The following BMP5 variants were observed in gnomAD, a reference collection of about 807,000 sequenced individuals.
BMP5 encodes the protein bone morphogenetic protein 5.
A neutral mutation model predicts 46.6 loss-of-function variants in BMP5; 23 were observed. The observed-to-expected ratio is 0.49, with a 90% CI of 0.35 to 0.70. BMP5 has a LOEUF of 0.70. Among genes scored for constraint, BMP5 ranks in the 30% least tolerant of loss-of-function variants. BMP5 has a pLI of 0.00. For synonymous variants in BMP5, 204 were observed against 191.9 expected (o/e 1.06, Z -0.52); for missense variants, 545 against 565.6 (o/e 0.96, Z 0.37).
At chr6:55,769,016 A>T (rs1293667863) in intron 4 of BMP5, among the ~76,000 whole-genome samples, 1 of 152,000 alleles carries the variant, frequency 6.6e-6, no homozygotes, top group Non-Finnish European at 1.5e-5. Flanking sequence ...AATGCTAGTG[A>T]TCATCTGAGT....
At position 55,874,522 on chromosome 6, in the gene BMP5, C is replaced by T. The variant is rs755417474; in HGVS notation, c.344G>A (p.Gly115Glu). 1 of 1,613,420 alleles carries T rather than the reference C, an allele frequency of 6.2e-7. No individual in the cohort carries two copies. Among genetic ancestry groups the T allele is most frequent in the Admixed American group, 1.7e-5 (1 of 59,894 alleles). The part of the protein sequence containing the change: ...LAEETRGARK[G>E]YPASPNGYPR... Reference sequence around the variant, plus strand: ...ATACCCATTGGGAGAGGCTGGGTATCCCTTTCTTGCCCCTCTGGTCTCTTC... The same window carrying T: ...ATACCCATTGGGAGAGGCTGGGTATTCCTTTCTTGCCCCTCTGGTCTCTTC... The change falls in exon 1 of 7, where the codon GGA becomes GAA. Residue 115 changes from glycine to glutamate, a missense_variant. Coordinates refer to ENST00000370830, the MANE Select transcript of BMP5 (RefSeq NM_021073.4).
chr6:55,829,548 G>A (rs1346346220), intron 1 of BMP5, among the ~76,000 whole-genome samples: 1 of 151,596 alleles, frequency 6.6e-6, no homozygotes, highest in Non-Finnish European at 1.5e-5. Context: ...AATAAATAGT[G>A]ATAACTAGAC....
At chr6:55,827,483 G>A (rs779386753) in intron 1 of BMP5, among the ~76,000 whole-genome samples, 13 of 151,642 alleles carry the variant, frequency 8.6e-5, no homozygotes, top group Admixed American at 4.6e-4. Flanking sequence ...GGTGGAACAC[G>A]TAGCACATAT....
intron 1 of BMP5, among the ~76,000 whole-genome samples, chr6:55,832,798 T>C (rs916424226): frequency 1.3e-5 from 2 of 152,028 alleles, no homozygotes; most frequent in African/African-American, 4.8e-5. Flanking sequence ...CACTTTTCCT[T>C]TGGGTTTTGT....
intron 1 of BMP5, among the ~76,000 whole-genome samples, chr6:55,874,088 T>C (rs1027366120): frequency 2.3e-4 from 35 of 152,104 alleles, no homozygotes; most frequent in African/African-American, 7.5e-4. Flanking sequence ...TAAATTTCCC[T>C]GTTTTTAGAC....
At chr6:55,791,151 T>C (rs1390276283) in intron 3 of BMP5, among the ~76,000 whole-genome samples, 1 of 150,866 alleles carries the variant, frequency 6.6e-6, no homozygotes, top group Admixed American at 6.6e-5. Context: ...TGAAGCAATG[T>C]CACATTGAGA....
intron 3 of BMP5, among the ~76,000 whole-genome samples, chr6:55,790,171 AT>A (rs575963803): frequency 7.2e-5 from 11 of 152,198 alleles, no homozygotes; most frequent in Non-Finnish European, 1.3e-4. Context: ...GCTCTACAAA[AT>A]TCTGCTCCTA....
intron 2 of BMP5, among the ~76,000 whole-genome samples, chr6:55,818,205 C>T (rs966765746): frequency 1.3e-5 from 2 of 151,466 alleles, no homozygotes; most frequent in Non-Finnish European, 2.9e-5. Context: ...GACATGTATA[C>T]AGGGTGGATT....
At chr6:55,803,026 C>T (rs1281941664) in intron 2 of BMP5, among the ~76,000 whole-genome samples, 1 of 151,786 alleles carries the variant, frequency 6.6e-6, no homozygotes, top group African/African-American at 2.4e-5. Context: ...GTGGCTCATG[C>T]CTGTAATCCC....
chr6:55,761,171 G>A (rs1774767505), intron 4 of BMP5, among the ~76,000 whole-genome samples: 1 of 151,740 alleles, frequency 6.6e-6, no homozygotes, highest in African/African-American at 2.4e-5. Context: ...CAATCTGTCA[G>A]GAAATCTCAC....
At chr6:55,816,157 G>A (rs1054579070) in intron 2 of BMP5, among the ~76,000 whole-genome samples, 3 of 151,708 alleles carry the variant, frequency 2.0e-5, no homozygotes, top group African/African-American at 7.3e-5. Flanking sequence ...ATATATAACT[G>A]ACAAAAAATA....
At chr6:55,798,608 A>G (rs928100071) in intron 2 of BMP5, among the ~76,000 whole-genome samples, 1 of 152,202 alleles carries the variant, frequency 6.6e-6, no homozygotes, top group Non-Finnish European at 1.5e-5. Flanking sequence ...AGTCAGGTTT[A>G]ACAGATAAAG....
chr6:55,860,400 C>T (rs1777503370), intron 1 of BMP5, among the ~76,000 whole-genome samples: 1 of 152,122 alleles, frequency 6.6e-6, no homozygotes, highest in African/African-American at 2.4e-5. Context: ...TATAGTTAAG[C>T]ACATGTTTTA....
intron 4 of BMP5, 79 bp from the exon 5 acceptor site, chr6:55,760,612 A>T (rs1299587921): frequency 6.2e-6 from 8 of 1,286,614 alleles, no homozygotes; most frequent in Non-Finnish European, 8.9e-6. Context: ...CACTGGTAAG[A>T]TTTTTTAAAG....
At chr6:55,800,646 C>CA (rs897226804) in intron 2 of BMP5, among the ~76,000 whole-genome samples, 5 of 151,670 alleles carry the variant, frequency 3.3e-5, no homozygotes, top group African/African-American at 7.3e-5. Context: ...CATTATAAGA[C>CA]AAAAAAAATT....
chr6:55,765,293 T>C (rs1486136613), intron 4 of BMP5, among the ~76,000 whole-genome samples: 1 of 152,048 alleles, frequency 6.6e-6, no homozygotes, highest in Non-Finnish European at 1.5e-5. Context: ...GATATAGCTA[T>C]AAAAGCAAAG....
chr6:55,759,243 T>C, intron 5 of BMP5, 128 bp from the exon 6 acceptor site: 1 of 621,088 alleles, frequency 1.6e-6, no homozygotes, highest in Non-Finnish European at 2.7e-6. Flanking sequence ...GTTATTGAAA[T>C]ATATTGTATC....
At chr6:55,832,634 A>G (rs1205590816) in intron 1 of BMP5, among the ~76,000 whole-genome samples, 3 of 152,186 alleles carry the variant, frequency 2.0e-5, no homozygotes, top group Non-Finnish European at 2.9e-5. Flanking sequence ...ATCCAAGTTC[A>G]TAAGTATAGT....
chr6:55,871,728 G>C (rs529290945), intron 1 of BMP5, among the ~76,000 whole-genome samples: 35 of 151,774 alleles, frequency 2.3e-4, no homozygotes, highest in African/African-American at 8.4e-4. Context: ...TCCATTATTT[G>C]ACTTGAAAAG....
Sources: gnomAD v4.1 joint callset for allele counts (sites outside exome capture counted in the v4.1 genomes callset) on GRCh38, gnomAD v4.1.1 for gene constraint, MANE v1.5 for transcripts, NCBI Gene and HGNC (gene_info 2026-07-23, HGNC 2026-07-21) for gene names.